ITSN1: variants seen among roughly 807,000 people sequenced by gnomAD.
ITSN1 encodes intersectin 1, also known as intersectin-1.
Under a neutral mutation model 239.8 loss-of-function variants are expected in ITSN1, and 58 were observed. The observed-to-expected ratio is 0.24, with a 90% confidence interval of 0.20 to 0.30. ITSN1 has a LOEUF of 0.30. Ranked by LOEUF, ITSN1 falls within the 10% of genes least tolerant of loss-of-function variation. The pLI is 1.00. For synonymous variants in ITSN1, 780 were observed against 770.8 expected (o/e 1.01, Z -0.20); for missense variants, 1,558 against 2,103.3 (o/e 0.74, Z 5.07).
chr21:33,798,467 A>G (rs1028111466), intron 18 of ITSN1, among the ~76,000 whole-genome samples: 3 of 152,126 alleles, frequency 2.0e-5, no homozygotes, highest in East Asian at 1.9e-4. Flanking sequence ...TGAAAGACCA[A>G]TCTAATCGGA....
At chr21:33,689,134 T>C (rs915144074) in intron 1 of ITSN1, among the ~76,000 whole-genome samples, 2 of 152,130 alleles carry the variant, frequency 1.3e-5, no homozygotes, top group African/African-American at 4.8e-5. Context: ...TCATAGTTAT[T>C]AATCTGAAGA....
chr21:33,829,777 C>G, intron 27 of ITSN1, 32 bp downstream of exon 27: 1 of 1,611,974 alleles, frequency 6.2e-7, no homozygotes, highest in Non-Finnish European at 8.5e-7. Context: ...TTACAATTCT[C>G]CATCCAAGTT....
chr21:33,713,828 C>CT (rs35226795), intron 1 of ITSN1, among the ~76,000 whole-genome samples: 78,707 of 89,632 alleles, frequency 0.88, 35,326 homozygotes, highest in South Asian at 0.94. Context: ...CCAGCCTCAT[C>CT]TTTTTTTTTT....
chr21:33,874,646 TTTTC>T (rs1434331727), intron 33 of ITSN1, among the ~76,000 whole-genome samples: 1 of 94,762 alleles, frequency 1.1e-5, no homozygotes, highest in Non-Finnish European at 2.1e-5. Flanking sequence ...AATATTTTCT[TTTTC>T]TTTCTTTTTT....
intron 31 of ITSN1, among the ~76,000 whole-genome samples, chr21:33,859,507 TAGAACACAGATTA>T (rs1246531631): frequency 6.6e-6 from 1 of 152,038 alleles, no homozygotes; most frequent in Non-Finnish European, 1.5e-5. Context: ...CATCACTTGC[TAGAACACAGATTA>T]AGTCACAGCC....
Position 33,755,369 on chromosome 21 carries a change from T to C in ITSN1, c.696T>C (p.His232=). 6.2e-7 allele frequency: 1 copy of C among 1,603,440 alleles called. No homozygotes were observed. Among genetic ancestry groups the C allele is most frequent in the Non-Finnish European group, 8.5e-7 (1 of 1,172,248 alleles). Residue 232 remains histidine, a synonymous_variant, in exon 8 of 40, where the codon CAT becomes CAC. Transcript: ENST00000381318. The part of the protein sequence containing the change: ...RLKYRQLFNS[H]DKTMSGHLTG... ...AATACAGGCAATTATTCAATAGTCATGACAAAACTATGAGTGGACACTTAA... is the reference window on the plus strand; with the variant it reads ...AATACAGGCAATTATTCAATAGTCACGACAAAACTATGAGTGGACACTTAA...
At position 33,814,054 on chromosome 21, in the gene ITSN1, G is replaced by T; in HGVS notation, c.2709G>T (p.Pro903=). The T allele has an allele frequency of 1.9e-6, 3 of 1,614,040 alleles. No homozygotes were observed. Among genetic ancestry groups the T allele is most frequent in the Non-Finnish European group, 1.7e-6 (2 of 1,180,002 alleles). The change falls in exon 22 of 40, where the codon CCG becomes CCT. Residue 903 remains proline (P), a synonymous_variant. Coordinates refer to ENST00000381318, the MANE Select transcript of ITSN1 (RefSeq NM_003024.3). Reference sequence around the variant, plus strand: ...CAGCCACGGCCACTGGCTCCTCCCCGTCTCCTGTGCTAGGCCAGGTAAAGG... The same window carrying T: ...CAGCCACGGCCACTGGCTCCTCCCCTTCTCCTGTGCTAGGCCAGGTAAAGG... ...FTPATATGSS[P]SPVLGQGEKV... is the part of the protein sequence containing the mutation.
At chr21:33,709,046 TGTTGTTTTATA>T (rs2146930964) in intron 1 of ITSN1, among the ~76,000 whole-genome samples, 2 of 152,310 alleles carry the variant, frequency 1.3e-5, no homozygotes, top group African/African-American at 4.8e-5. Flanking sequence ...CCTTGACTAC[TGTTGTTTTATA>T]GTAAATCTTG....
intron 19 of ITSN1, 141 bp downstream of exon 19, chr21:33,800,070 T>C: frequency 1.3e-6 from 1 of 741,658 alleles, no homozygotes; most frequent in Non-Finnish European, 2.0e-6. Flanking sequence ...AAGTATAAGC[T>C]CAATCTTCTT....
intron 5 of ITSN1, among the ~76,000 whole-genome samples, chr21:33,737,513 T>A (rs896417529): frequency 2.0e-5 from 3 of 152,186 alleles, no homozygotes; most frequent in South Asian, 2.1e-4. Context: ...ATATATATAT[T>A]TTATAGTTTG....
chr21:33,852,655 G>T (rs1199394245), intron 29 of ITSN1, among the ~76,000 whole-genome samples: 1 of 152,142 alleles, frequency 6.6e-6, no homozygotes, highest in Admixed American at 6.5e-5. Context: ...ACGGCACACA[G>T]ATTAGGAATT....
At position 33,882,145 on chromosome 21, in the gene ITSN1, A is replaced by G; in HGVS notation, c.4342-98A>G. 9.8e-7 allele frequency: 1 copy of G among 1,019,692 alleles called. No homozygotes were observed. The highest frequency in any genetic ancestry group is 1.4e-6 in the Non-Finnish European group (1 of 696,168). The allele number at this position is 1,019,692 out of a possible 1,614,324, so 63.2% of individuals were successfully genotyped here. A position where few individuals can be genotyped will look rare whatever the true frequency, so the allele number is the denominator to read the frequency against. On this transcript the variant is annotated intron_variant, in intron 34 of 39. Coordinates refer to ENST00000381318, the MANE Select transcript of ITSN1 (RefSeq NM_003024.3). This position sits in a 1 kb window ranked among gnomAD's most constrained non-coding sequence, Gnocchi z 4.5. Reference sequence around the variant, plus strand: ...ATCCTTGACTTTTGCCTGAGATCCGAGTCTGCTGGGGCCTGGCCTCTGATT... The same window carrying G: ...ATCCTTGACTTTTGCCTGAGATCCGGGTCTGCTGGGGCCTGGCCTCTGATT...
At chr21:33,776,560 AAGAG>A (rs1011642277) in intron 14 of ITSN1, among the ~76,000 whole-genome samples, 39 of 145,220 alleles carry the variant, frequency 2.7e-4, no homozygotes, top group East Asian at 8.0e-4. Flanking sequence ...AAAAAAAAAA[AAGAG>A]AGAGAAAAGA....
intron 1 of ITSN1, among the ~76,000 whole-genome samples, chr21:33,692,510 T>A (rs576172367): frequency 3.0e-4 from 45 of 152,336 alleles, no homozygotes; most frequent in African/African-American, 1.1e-3. Flanking sequence ...AGCAACATAC[T>A]CAGGTTACAA....
chr21:33,698,312 G>C (rs1448372099), intron 1 of ITSN1, among the ~76,000 whole-genome samples: 2 of 152,108 alleles, frequency 1.3e-5, no homozygotes, highest in Admixed American at 6.5e-5. Flanking sequence ...GGTCATTCCT[G>C]AGTGTCTCCT....
At chr21:33,700,617 G>T (rs1437767602) in intron 1 of ITSN1, among the ~76,000 whole-genome samples, 1 of 152,144 alleles carries the variant, frequency 6.6e-6, no homozygotes, top group Non-Finnish European at 1.5e-5. Context: ...CCAACAGTAG[G>T]TTCTTAATTA....
chr21:33,879,941 A>G (rs1984629278), intron 34 of ITSN1, among the ~76,000 whole-genome samples: 1 of 152,162 alleles, frequency 6.6e-6, no homozygotes, highest in Non-Finnish European at 1.5e-5. Flanking sequence ...CGGCCTCCCA[A>G]AGTGTTGGGA....
intron 1 of ITSN1, among the ~76,000 whole-genome samples, chr21:33,703,685 T>C (rs974135769): frequency 1.3e-5 from 2 of 152,242 alleles, no homozygotes; most frequent in African/African-American, 4.8e-5. Context: ...TTGATAGAGG[T>C]TGCCTTCGGA....
chr21:33,707,102 T>C (rs970512311), intron 1 of ITSN1, among the ~76,000 whole-genome samples: 12 of 152,192 alleles, frequency 7.9e-5, no homozygotes, highest in South Asian at 2.1e-4. Flanking sequence ...CAAGAATTGC[T>C]ATGTCTCTTG....
Sources: allele counts gnomAD v4.1 joint callset (sites outside exome capture counted in the v4.1 genomes callset), GRCh38; gene constraint gnomAD v4.1.1; non-coding constraint Gnocchi (gnomAD v3.1); transcripts MANE v1.5; gene names NCBI Gene and HGNC (gene_info 2026-07-23, HGNC 2026-07-21).